The following H1-5 variants were observed in gnomAD, a reference collection of about 807,000 sequenced individuals.
H1-5 encodes histone H1.5.
Under a neutral mutation model 4.6 loss-of-function variants are expected in H1-5, and 3 were observed. The observed-to-expected ratio is 0.65, with a 90% CI of 0.30 to 1.68. The LOEUF is 1.68. H1-5 is among the 40% of genes most tolerant of loss of function. H1-5 has a pLI of 0.10. For missense variants in H1-5, 521 were observed against 287.9 expected (o/e 1.81, Z -5.86); for synonymous variants, 250 against 123.4 (o/e 2.03, Z -6.80).
In H1-5 at chr6:27,867,408, G is replaced by A. The variant is rs1170689842; in HGVS notation, c.122C>T (p.Pro41Leu). The A allele has an allele frequency of 2.5e-6, 4 of 1,614,016 alleles. No homozygotes were observed. The highest frequency in any genetic ancestry group is 1.3e-5 in the African/African-American group (1 of 75,032). The part of the protein sequence containing the change: ...AGAAKRKATG[P>L]PVSELITKAV... ...CTTGGTGATCAGCTCTGAGACTGGG[G>A]GCCCCGTCGCTTTGCGCTTAGCAGC... Residue 41 changes from proline to leucine, a missense_variant, in exon 1 of 1, where the codon CCC (proline) becomes CTC (leucine). By Grantham distance (98) the Pro-to-Leu change is moderately conservative. Coordinates refer to ENST00000331442, the MANE Select transcript of H1-5 (RefSeq NM_005322.3).
Position 27,867,083 on chromosome 6 carries a change from T to C in H1-5, c.447A>G (p.Lys149=), listed in dbSNP as rs775065810. Residue 149 remains lysine (K), a synonymous_variant, in exon 1 of 1, where the codon AAA becomes AAG. Transcript: ENST00000331442. ...PKKAKKAAGA[K]KAVKKTPKKA... is the part of the protein sequence containing the mutation. Reference sequence around the variant, plus strand: ...TCTTCGGAGTCTTCTTCACTGCCTTTTTCGCCCCTGCAGCCTTCTTGGCCT... The same window carrying C: ...TCTTCGGAGTCTTCTTCACTGCCTTCTTCGCCCCTGCAGCCTTCTTGGCCT... 2 of 1,613,622 alleles carry C rather than the reference T, an allele frequency of 1.2e-6. No individual in the cohort carries two copies. Among genetic ancestry groups the C allele is most frequent in the African/African-American group, 2.7e-5 (2 of 74,830 alleles).
rs200524277 is a variant in H1-5 at position 27,867,127 on chromosome 6, C to A, written c.403G>T (p.Ala135Ser). ...KAGAAKAKKP[A>S]GATPKKAKKA... ...TTGGCCTTCTTAGGCGTGGCCCCCG[C>A]GGGCTTCTTAGCTTTAGCGGCGCCT... The change falls in exon 1 of 1, where the codon GCG becomes TCG. Residue 135 changes from alanine to serine, a missense_variant. Coordinates refer to ENST00000331442, the MANE Select transcript of H1-5 (RefSeq NM_005322.3). 97 of 1,614,136 alleles carry A rather than the reference C, an allele frequency of 6.0e-5. 4 individuals carry two copies. In the Middle Eastern group the frequency reaches 4.6e-3, roughly 77 times the overall value.
chr6:27,867,135 T>C lies in H1-5; in HGVS notation c.395A>G (p.Lys132Arg), dbSNP rs557604077. 1 of 1,614,068 alleles carries C rather than the reference T, an allele frequency of 6.2e-7. No individual in the cohort carries two copies. The highest frequency in any genetic ancestry group is 1.3e-5 in the African/African-American group (1 of 74,940). ...CTTAGGCGTGGCCCCCGCGGGCTTC[T>C]TAGCTTTAGCGGCGCCTGCCTTCTT... ...KAKKAGAAKA[K>R]KPAGATPKKA... The change falls in exon 1 of 1, where the codon AAG becomes AGG. Residue 132 changes from lysine to arginine, a missense_variant. Transcript: ENST00000331442.
At position 27,867,224 on chromosome 6, in the gene H1-5, AGTGCCCTTGGTCTGCACCAGG is replaced by A. The variant is rs1400599232; in HGVS notation, c.285_305del (p.Leu96_Thr102del). ...TGAGTTTAAAGGAGCCAGAAGCACC[AGTGCCCTTGGTCTGCACCAGG>A]GTGCCCTTGCTCACCAAGCTCTTGA... is the stretch of plus-strand genomic sequence containing the variant. On this transcript the variant is annotated inframe_deletion, in exon 1 of 1. Coordinates refer to ENST00000331442, the MANE Select transcript of H1-5 (RefSeq NM_005322.3). The A allele has an allele frequency of 5.6e-6, 9 of 1,614,238 alleles. No homozygotes were observed. Among genetic ancestry groups the A allele is most frequent in the Non-Finnish European group, 6.8e-6 (8 of 1,180,036 alleles).
rs139042223 is a variant in H1-5, at chr6:27,867,377, C to T, written c.153G>A (p.Val51=). Residue 51 remains valine (V), a synonymous_variant, in exon 1 of 1, where the codon GTG becomes GTA. Transcript: ENST00000331442. ...GGCCATTGCGCTCCTTAGAAGCAGCCACAGCCTTGGTGATCAGCTCTGAGA... is the reference window on the plus strand; with the variant it reads ...GGCCATTGCGCTCCTTAGAAGCAGCTACAGCCTTGGTGATCAGCTCTGAGA... ...PPVSELITKA[V]AASKERNGLS... 1.7e-4 allele frequency: 280 copies of T among 1,614,136 alleles called. No homozygotes were observed. The highest frequency in any genetic ancestry group is 2.3e-4 in the Non-Finnish European group (277 of 1,180,046).
rs1761537879 is a variant in H1-5, at chr6:27,867,328, CCTT to C, written c.199_201del (p.Lys67del). On this transcript the variant is annotated inframe_deletion, in exon 1 of 1. Transcript: ENST00000331442. ...ACGTCGTAGCCACCGGCCGCTAAGG[CCTT>C]CTTAAGGGCTGCCAAAGAAAGGCCA... The C allele has an allele frequency of 6.2e-7, 1 of 1,614,260 alleles. No homozygotes were observed. Among genetic ancestry groups the C allele is most frequent in the Non-Finnish European group, 8.5e-7 (1 of 1,180,054 alleles).
chr6:27,867,138 G>C lies in H1-5; in HGVS notation c.392C>G (p.Ala131Gly), dbSNP rs199758872. ...PKAKKAGAAK[A>G]KKPAGATPKK... ...AGGCGTGGCCCCCGCGGGCTTCTTAGCTTTAGCGGCGCCTGCCTTCTTGGC... is the reference window on the plus strand; with the variant it reads ...AGGCGTGGCCCCCGCGGGCTTCTTACCTTTAGCGGCGCCTGCCTTCTTGGC... Residue 131 changes from alanine (A) to glycine (G), a missense_variant, in exon 1 of 1, where the codon GCT becomes GGT. Physicochemically the swap from Ala to Gly is moderately conservative, Grantham distance 60. Transcript: ENST00000331442. 3.7e-6 allele frequency: 6 copies of C among 1,614,146 alleles called. No individual in the cohort carries two copies. Among genetic ancestry groups the C allele is most frequent in the East Asian group, 2.2e-5 (1 of 44,876 alleles).
chr6:27,867,073 T>G lies in H1-5; in HGVS notation c.457A>C (p.Lys153Gln). 6.2e-7 allele frequency: 1 copy of G among 1,613,872 alleles called. No individual in the cohort carries two copies. The highest frequency in any genetic ancestry group is 8.5e-7 in the Non-Finnish European group (1 of 1,179,888). ...TTCTTCGCCTTCTTCGGAGTCTTCT[T>G]CACTGCCTTTTTCGCCCCTGCAGCC... is the stretch of plus-strand genomic sequence containing the variant. ...KKAAGAKKAV[K>Q]KTPKKAKKPA... The change falls in exon 1 of 1, where the codon AAG becomes CAG. Residue 153 changes from lysine to glutamine, a missense_variant. Transcript: ENST00000331442.
In H1-5 at chr6:27,867,317, G is replaced by A. The variant is rs749604290; in HGVS notation, c.213C>T (p.Ala71=). 3.7e-6 allele frequency: 6 copies of A among 1,614,132 alleles called. No individual in the cohort carries two copies. Among genetic ancestry groups the A allele is most frequent in the South Asian group, 2.2e-5 (2 of 91,090 alleles). The part of the protein sequence containing the change: ...SLAALKKALA[A]GGYDVEKNNS... The stretch of plus-strand genomic sequence containing the variant: ...TATTCTTCTCCACGTCGTAGCCACC[G>A]GCCGCTAAGGCCTTCTTAAGGGCTG... The change falls in exon 1 of 1, where the codon GCC becomes GCT. Residue 71 remains alanine, a synonymous_variant. Transcript: ENST00000331442.
Position 27,867,570 on chromosome 6 carries a change from A to C in H1-5, c.-41T>G. 1 of 1,508,596 alleles carries C rather than the reference A, an allele frequency of 6.6e-7. No homozygotes were observed. The highest frequency in any genetic ancestry group is 8.9e-7 in the Non-Finnish European group (1 of 1,128,598). 93.5% of individuals were successfully genotyped at this position (1,508,596 alleles called of 1,614,324 possible). On this transcript the variant is annotated 5_prime_UTR_variant, in exon 1 of 1. Transcript: ENST00000331442. Reference sequence around the variant, plus strand: ...CTAGAAGAGAATAAGCTCGAAATCTAAAGAGCAGGTTTTGCGTTGCTGCTA... The same window carrying C: ...CTAGAAGAGAATAAGCTCGAAATCTCAAGAGCAGGTTTTGCGTTGCTGCTA...
Position 27,867,008 on chromosome 6 carries a change from AG to A in H1-5, c.521del (p.Pro174LeufsTer?). ...AAGVKKVAKS[P>X]KKAKAAAKPK... Reference sequence around the variant, plus strand: ...GTTTGGCAGCGGCCTTGGCCTTCTTAGGGCTCTTCGCCACCTTTTTGACGCC... The same window carrying A: ...GTTTGGCAGCGGCCTTGGCCTTCTTAGGCTCTTCGCCACCTTTTTGACGCC... On this transcript the variant is annotated frameshift_variant, in exon 1 of 1. Transcript: ENST00000331442. LOFTEE classifies it high-confidence loss of function. 6.2e-7 allele frequency: 1 copy of A among 1,614,070 alleles called. No homozygotes were observed. The highest frequency in any genetic ancestry group is 8.5e-7 in the Non-Finnish European group (1 of 1,180,020).
rs753318525 is a variant in H1-5, at chr6:27,867,003, T to C, written c.527A>G (p.Lys176Arg). ...GVKKVAKSPKKAKAAAKPKKA... is the reference protein window; with the variant it reads ...GVKKVAKSPKRAKAAAKPKKA... ...TTTCGGTTTGGCAGCGGCCTTGGCCTTCTTAGGGCTCTTCGCCACCTTTTT... is the reference window on the plus strand; with the variant it reads ...TTTCGGTTTGGCAGCGGCCTTGGCCCTCTTAGGGCTCTTCGCCACCTTTTT... The change falls in exon 1 of 1, where the codon AAG (lysine) becomes AGG (arginine). Residue 176 changes from lysine (K) to arginine (R), a missense_variant. Coordinates refer to ENST00000331442, the MANE Select transcript of H1-5 (RefSeq NM_005322.3). 6 of 1,614,196 alleles carry C rather than the reference T, an allele frequency of 3.7e-6. No individual in the cohort carries two copies. The highest frequency in any genetic ancestry group is 1.7e-5 in the Admixed American group (1 of 60,022).
chr6:27,867,465 T>C lies in H1-5; in HGVS notation c.65A>G (p.Lys22Arg), dbSNP rs147382808. ...GCCGGCAGCCTTCTTAGTTGCCTTC[T>C]TCTTAGCCGGGGATTTCTCCACCGG... ...PAPVEKSPAK[K>R]KATKKAAGAG... The change falls in exon 1 of 1, where the codon AAG (lysine) becomes AGG (arginine). Residue 22 changes from lysine (K) to arginine (R), a missense_variant. Coordinates refer to ENST00000331442, the MANE Select transcript of H1-5 (RefSeq NM_005322.3). 7.6e-5 allele frequency: 121 copies of C among 1,594,862 alleles called. No homozygotes were observed. The highest frequency in any genetic ancestry group is 9.6e-5 in the Non-Finnish European group (112 of 1,172,452).
Position 27,867,214 on chromosome 6 carries a change from C to T in H1-5, c.316G>A (p.Gly106Ser). ...LVQTKGTGASGSFKLNKKAAS... is the reference protein window; with the variant it reads ...LVQTKGTGASSSFKLNKKAAS... ...GCCTTCTTGTTGAGTTTAAAGGAGCCAGAAGCACCAGTGCCCTTGGTCTGC... is the reference window on the plus strand; with the variant it reads ...GCCTTCTTGTTGAGTTTAAAGGAGCTAGAAGCACCAGTGCCCTTGGTCTGC... Residue 106 changes from glycine (G) to serine (S), a missense_variant, in exon 1 of 1, where the codon GGC becomes AGC. Transcript: ENST00000331442. The T allele has an allele frequency of 6.2e-7, 1 of 1,614,264 alleles. No individual in the cohort carries two copies. The highest frequency in any genetic ancestry group is 8.5e-7 in the Non-Finnish European group (1 of 1,180,046).
rs1265409101 is a variant in H1-5 at position 27,866,891 on chromosome 6, AGGTTTTGCTGCTTTG to A, written c.624_638del (p.Pro213_Lys217del). 8.1e-6 allele frequency: 13 copies of A among 1,605,568 alleles called. No individual in the cohort carries two copies. Among genetic ancestry groups the A allele is most frequent in the Non-Finnish European group, 1.1e-5 (13 of 1,177,830 alleles). On this transcript the variant is annotated inframe_deletion, in exon 1 of 1. Transcript: ENST00000331442. Reference sequence around the variant, plus strand: ...CCGCCTTCTTGGCCTTTGCAGCTTTAGGTTTTGCTGCTTTGGGCTTAGCGGCTTTGGGCTTTGCCG... The same window carrying A: ...CCGCCTTCTTGGCCTTTGCAGCTTTAGGCTTAGCGGCTTTGGGCTTTGCCG...
At position 27,867,491 on chromosome 6, in the gene H1-5, C is replaced by T. The variant is rs534653355; in HGVS notation, c.39G>A (p.Ala13=). The T allele has an allele frequency of 2.5e-6, 4 of 1,575,066 alleles. No homozygotes were observed. The highest frequency in any genetic ancestry group is 2.3e-5 in the South Asian group (2 of 85,310). Residue 13 remains alanine, a synonymous_variant, in exon 1 of 1, where the codon GCG becomes GCA. Transcript: ENST00000331442. ...TCTTAGCCGGGGATTTCTCCACCGG[C>T]GCTGGGGTGGCTGTCTCGGCAGGAG... ...ETAPAETATP[A]PVEKSPAKKK... is the part of the protein sequence containing the mutation.
Position 27,866,908 on chromosome 6 carries a change from G to A in H1-5, c.622C>T (p.Pro208Ser), listed in dbSNP as rs780105710. ...GCAGCTTTAGGTTTTGCTGCTTTGG[G>A]CTTAGCGGCTTTGGGCTTTGCCGCC... Reference protein sequence around the residue: ...PKAAKPKAAKPKAAKPKAAKA... With the variant: ...PKAAKPKAAKSKAAKPKAAKA... The change falls in exon 1 of 1, where the codon CCC (proline) becomes TCC (serine). Residue 208 changes from proline to serine, a missense_variant. Coordinates refer to ENST00000331442, the MANE Select transcript of H1-5 (RefSeq NM_005322.3). 10 of 1,612,916 alleles carry A rather than the reference G, an allele frequency of 6.2e-6. No individual in the cohort carries two copies. In the East Asian group the frequency reaches 6.7e-5, roughly 11 times the overall value.
At position 27,867,478 on chromosome 6, in the gene H1-5, ATTTCTCCACCGGCGCTGGGGT is replaced by A; in HGVS notation, c.31_51del (p.Thr11_Lys17del). The A allele has an allele frequency of 6.3e-7, 1 of 1,586,958 alleles. No individual in the cohort carries two copies. The highest frequency in any genetic ancestry group is 2.2e-5 in the East Asian group (1 of 44,530). On this transcript the variant is annotated inframe_deletion, in exon 1 of 1. Transcript: ENST00000331442. ...TTAGTTGCCTTCTTCTTAGCCGGGG[ATTTCTCCACCGGCGCTGGGGT>A]GGCTGTCTCGGCAGGAGCGGTTTCC...
Position 27,867,006 on chromosome 6 carries a change from T to C in H1-5, c.524A>G (p.Lys175Arg). 6.2e-7 allele frequency: 1 copy of C among 1,614,218 alleles called. No individual in the cohort carries two copies. Residue 175 changes from lysine to arginine, a missense_variant, in exon 1 of 1, where the codon AAG becomes AGG. By Grantham distance (26) the Lys-to-Arg change is conservative (BLOSUM62 2). Coordinates refer to ENST00000331442, the MANE Select transcript of H1-5 (RefSeq NM_005322.3). ...AGVKKVAKSP[K>R]KAKAAAKPKK... ...CGGTTTGGCAGCGGCCTTGGCCTTC[T>C]TAGGGCTCTTCGCCACCTTTTTGAC...
Sources: allele counts gnomAD v4.1 joint callset, GRCh38; gene constraint gnomAD v4.1.1; transcripts MANE v1.5; gene names NCBI Gene and HGNC (gene_info 2026-07-23, HGNC 2026-07-21).